The following GSK3B variants were observed in gnomAD, a reference collection of about 807,000 sequenced individuals.
GSK3B encodes glycogen synthase kinase 3 beta.
GSK3B carries 15 observed loss-of-function variants against 56.4 expected under a neutral mutation model. That is an observed-to-expected ratio of 0.27 (90% CI 0.18 to 0.41). The LOEUF (loss-of-function observed/expected upper bound fraction) is 0.41. GSK3B is among the 10% of genes least tolerant of loss of function. The pLI is 1.00. For missense variants in GSK3B, 300 were observed against 513.4 expected (o/e 0.58, Z 4.02); for synonymous variants, 181 against 188.9 (o/e 0.96, Z 0.34).
At chr3:119,990,726 C>T (rs1040662684) in intron 2 of GSK3B, among the ~76,000 whole-genome samples, 3 of 152,068 alleles carry the variant, frequency 2.0e-5, no homozygotes, top group Non-Finnish European at 2.9e-5. Flanking sequence ...GTCAGGAGTT[C>T]GAGACCAGCC....
chr3:119,892,875 A>G, intron 7 of GSK3B, among the ~76,000 whole-genome samples: 1 of 152,106 alleles, frequency 6.6e-6, no homozygotes. Flanking sequence ...CAAAAGGACA[A>G]ATTTTTCTAA....
At chr3:120,066,907 C>A (rs2058285562) in intron 1 of GSK3B, among the ~76,000 whole-genome samples, 1 of 152,150 alleles carries the variant, frequency 6.6e-6, no homozygotes, top group South Asian at 2.1e-4. Flanking sequence ...AAACCTTGAT[C>A]TAGACCAGCG....
At chr3:120,039,360 T>C (rs2058047984) in intron 1 of GSK3B, among the ~76,000 whole-genome samples, 2 of 152,232 alleles carry the variant, frequency 1.3e-5, no homozygotes, top group South Asian at 4.1e-4. Flanking sequence ...CACAAGTGAG[T>C]TGAAAACTTA....
chr3:119,857,322 A>G (rs1222842581), intron 9 of GSK3B, among the ~76,000 whole-genome samples: 1 of 152,204 alleles, frequency 6.6e-6, no homozygotes, highest in Non-Finnish European at 1.5e-5. Context: ...ACCCTGGTAG[A>G]ATTTCTTTCA....
At chr3:119,923,894 C>T (rs1394557262) in intron 3 of GSK3B, among the ~76,000 whole-genome samples, 3 of 152,050 alleles carry the variant, frequency 2.0e-5, no homozygotes, top group Non-Finnish European at 2.9e-5. Context: ...GATTTCTAGC[C>T]CTAGCTCTGC....
chr3:120,061,169 G>A (rs1195112874), intron 1 of GSK3B, among the ~76,000 whole-genome samples: 2 of 152,152 alleles, frequency 1.3e-5, no homozygotes, highest in African/African-American at 4.8e-5. Flanking sequence ...CTATTTTAAA[G>A]ATGCGTGAGG....
intron 2 of GSK3B, among the ~76,000 whole-genome samples, chr3:119,986,048 G>C (rs541291037): frequency 6.6e-6 from 1 of 152,220 alleles, no homozygotes; most frequent in Admixed American, 6.5e-5. Context: ...ACAACCATCT[G>C]ATCTTTGACA....
chr3:120,016,432 T>C (rs1192372681), intron 1 of GSK3B, among the ~76,000 whole-genome samples: 1 of 152,166 alleles, frequency 6.6e-6, no homozygotes, highest in African/African-American at 2.4e-5. Flanking sequence ...ATTTGATAAT[T>C]TGCTCAAAGT....
At chr3:119,832,615 G>A (rs983373087) in intron 10 of GSK3B, among the ~76,000 whole-genome samples, 15 of 151,974 alleles carry the variant, frequency 9.9e-5, no homozygotes, top group Admixed American at 2.6e-4. Flanking sequence ...AACTGTACAA[G>A]ACAAAAAAGG....
At chr3:119,988,338 T>C (rs2107462571) in intron 2 of GSK3B, among the ~76,000 whole-genome samples, 1 of 152,332 alleles carries the variant, frequency 6.6e-6, no homozygotes, top group South Asian at 2.1e-4. Context: ...TATACTACCA[T>C]GAACAAAATT....
At chr3:120,024,201 T>C (rs1473576124) in intron 1 of GSK3B, among the ~76,000 whole-genome samples, 1 of 152,008 alleles carries the variant, frequency 6.6e-6, no homozygotes, top group African/African-American at 2.4e-5. Flanking sequence ...CCAGGCACGG[T>C]GGCACACACC....
chr3:119,868,922 C>A (rs2056216156), intron 8 of GSK3B, among the ~76,000 whole-genome samples: 1 of 151,896 alleles, frequency 6.6e-6, no homozygotes, highest in South Asian at 2.1e-4. Flanking sequence ...TGAGACAATG[C>A]CATGGATTGT....
At chr3:120,040,659 C>A (rs1032878002) in intron 1 of GSK3B, among the ~76,000 whole-genome samples, 9 of 152,008 alleles carry the variant, frequency 5.9e-5, no homozygotes, top group African/African-American at 1.5e-4. Flanking sequence ...AAAACAGCAA[C>A]AAAGATAGTC....
chr3:119,869,944 C>T (rs1016950352), intron 8 of GSK3B, among the ~76,000 whole-genome samples: 15 of 152,150 alleles, frequency 9.9e-5, no homozygotes, highest in Non-Finnish European at 2.9e-5. Flanking sequence ...GCCAAATGTC[C>T]GCTTATCCAA....
At chr3:119,925,921 T>C (rs1184435793) in intron 3 of GSK3B, among the ~76,000 whole-genome samples, 1 of 152,202 alleles carries the variant, frequency 6.6e-6, no homozygotes, top group Non-Finnish European at 1.5e-5. Context: ...CTCATCTATT[T>C]GACTTGGCAC....
At chr3:119,854,729 G>C (rs1003471457) in intron 9 of GSK3B, among the ~76,000 whole-genome samples, 1 of 152,212 alleles carries the variant, frequency 6.6e-6, no homozygotes, top group Non-Finnish European at 1.5e-5. Flanking sequence ...AGTATTCTCT[G>C]ATGGCAGTTT....
chr3:119,947,374 T>A (rs1281906457), intron 2 of GSK3B, 23 bp from the exon 3 acceptor site: 2 of 1,426,540 alleles, frequency 1.4e-6, no homozygotes, highest in African/African-American at 2.8e-5. Context: ...CACATAAAAA[T>A]ATATTTTTAA....
intron 3 of GSK3B, among the ~76,000 whole-genome samples, chr3:119,931,615 A>AAAAACAAAAC (rs1469201335): frequency 1.3e-5 from 2 of 152,196 alleles, no homozygotes; most frequent in African/African-American, 4.8e-5. Context: ...ACTGTCTCAA[A>AAAAACAAAAC]AAAACAAAAC....
chr3:120,076,543 C>A (rs569517596), intron 1 of GSK3B, among the ~76,000 whole-genome samples: 3 of 152,062 alleles, frequency 2.0e-5, no homozygotes, highest in Non-Finnish European at 2.9e-5. Context: ...CGGCTGGGCG[C>A]GGTGGCTCAC....
Sources: allele counts gnomAD v4.1 joint callset (sites outside exome capture counted in the v4.1 genomes callset), GRCh38; gene constraint gnomAD v4.1.1; transcripts MANE v1.5; gene names NCBI Gene and HGNC (gene_info 2026-07-23, HGNC 2026-07-21).